Variants in KLHL14 observed in about 807,000 individuals in gnomAD.
KLHL14 encodes the protein kelch-like protein 14.
A neutral mutation model predicts 64.3 loss-of-function variants in KLHL14; 22 were observed. That is an observed-to-expected ratio of 0.34 (90% CI 0.24 to 0.49). The LOEUF is 0.49. Ranked by LOEUF, KLHL14 falls within the 20% of genes least tolerant of loss-of-function variation. KLHL14 has a pLI of 0.99. For missense variants in KLHL14, 661 were observed against 789.0 expected (o/e 0.84, Z 1.94); for synonymous variants, 322 against 333.4 (o/e 0.97, Z 0.37).
chr18:32,694,379 G>A (rs955685140), intron 4 of KLHL14, among the ~76,000 whole-genome samples: 2 of 152,130 alleles, frequency 1.3e-5, no homozygotes, highest in Admixed American at 6.5e-5. Flanking sequence ...GTAACATACC[G>A]AATCCATCAT....
intron 3 of KLHL14, among the ~76,000 whole-genome samples, chr18:32,705,836 T>A (rs2049987393): frequency 6.6e-6 from 1 of 152,228 alleles, no homozygotes; most frequent in Non-Finnish European, 1.5e-5. Context: ...TGCTTTTATC[T>A]ACACTGTCCT....
chr18:32,765,817 TTAAA>T (rs540471026), intron 2 of KLHL14, among the ~76,000 whole-genome samples: 199 of 152,258 alleles, frequency 1.3e-3, no homozygotes, highest in African/African-American at 4.6e-3. Flanking sequence ...CCCTTGATGT[TTAAA>T]TAGATTTTTA....
At chr18:32,771,592 C>T (rs1288963061) in intron 1 of KLHL14, among the ~76,000 whole-genome samples, 1 of 152,060 alleles carries the variant, frequency 6.6e-6, no homozygotes, top group East Asian at 1.9e-4. Context: ...CCCCTTCCAG[C>T]GAGGGGCGGC....
At chr18:32,700,851 T>A (rs1026864289) in intron 3 of KLHL14, among the ~76,000 whole-genome samples, 4 of 152,126 alleles carry the variant, frequency 2.6e-5, no homozygotes, top group Admixed American at 2.0e-4. Flanking sequence ...GGGAAGGCCT[T>A]TCTGAGTAGA....
In KLHL14 at chr18:32,734,903, C is replaced by T. The variant is rs528911110; in HGVS notation, c.1069+7025G>A. 6.0e-3 allele frequency among the ~76,000 whole-genome samples: 874 copies of T among 146,278 alleles called. 6 individuals carry two copies. Among genetic ancestry groups the T allele is most frequent in the African/African-American group, 0.021 (828 of 40,168 alleles). The stretch of plus-strand genomic sequence containing the variant: ...GTTACTCTGTGTGTGTGTGTGTGTG[C>T]GTGCACGCGCACACATGCTCTTTGA... On this transcript the variant is annotated intron_variant, in intron 3 of 8. Transcript: ENST00000359358.
rs373093150 is a variant in KLHL14 at position 32,769,907 on chromosome 18, G to A, written c.685C>T (p.Pro229Ser). Residue 229 changes from proline (P) to serine (S), a missense_variant, in exon 2 of 9, where the codon CCG becomes TCG. By Grantham distance (74) the Pro-to-Ser change is moderately conservative. Around this residue, in one of 2 missense-constraint regions of KLHL14, gnomAD observed 331 missense variants for 339.0 expected, o/e 0.98. Coordinates refer to ENST00000359358, the MANE Select transcript of KLHL14 (RefSeq NM_020805.3). ...GCCAGCTCCGACTCCACGGGGGGCG[G>A]CAGCGAGTCCAGCAGGGCGCGCATC... Reference protein sequence around the residue: ...EEMRALLDSLPPPVESELALF... With the variant: ...EEMRALLDSLSPPVESELALF... 16 of 1,614,014 alleles carry A rather than the reference G, an allele frequency of 9.9e-6. No individual in the cohort carries two copies. The highest frequency in any genetic ancestry group is 1.4e-5 in the Non-Finnish European group (16 of 1,180,044).
At chr18:32,700,980 A>G (rs960041954) in intron 3 of KLHL14, among the ~76,000 whole-genome samples, 1 of 152,178 alleles carries the variant, frequency 6.6e-6, no homozygotes, top group Non-Finnish European at 1.5e-5. Flanking sequence ...GGACAGCAAG[A>G]AGACCAGAAC....
chr18:32,742,689 G>A lies in KLHL14; in HGVS notation c.948-640C>T, dbSNP rs553560152. ...TGCTCTCCCCCTGTGCACCACTGGCGATATAGCAGCACCAATTGGTAAAAA... is the reference window on the plus strand; with the variant it reads ...TGCTCTCCCCCTGTGCACCACTGGCAATATAGCAGCACCAATTGGTAAAAA... On this transcript the variant is annotated intron_variant, in intron 2 of 8. Transcript: ENST00000359358. Among the ~76,000 whole-genome samples, 7 of 152,134 alleles carry A rather than the reference G, an allele frequency of 4.6e-5. No individual in the cohort carries two copies. The South Asian group carries it at 1.5e-3, about 32-fold the overall frequency.
chr18:32,753,992 C>G (rs2050269417), intron 2 of KLHL14, among the ~76,000 whole-genome samples: 1 of 152,252 alleles, frequency 6.6e-6, no homozygotes, highest in South Asian at 2.1e-4. Context: ...ACTAATCCTC[C>G]TGCCTGCAAG....
At chr18:32,737,637 C>T (rs2050172705) in intron 3 of KLHL14, 1 of 152,140 alleles carries the variant, frequency 6.6e-6, no homozygotes, top group Non-Finnish European at 1.5e-5. Flanking sequence ...TGTGACTCCT[C>T]TTAAAGAAAT....
At chr18:32,686,689 A>G (rs2049880769) in intron 5 of KLHL14, among the ~76,000 whole-genome samples, 1 of 152,152 alleles carries the variant, frequency 6.6e-6, no homozygotes, top group Non-Finnish European at 1.5e-5. Flanking sequence ...AATATTTCAT[A>G]TCTAATTATC....
Position 32,673,057 on chromosome 18 carries a change from G to C in KLHL14, c.*1600C>G, listed in dbSNP as rs1352990592. 1.3e-5 allele frequency: 2 copies of C among 152,354 alleles called. No homozygotes were observed. Among genetic ancestry groups the C allele is most frequent in the East Asian group, 3.9e-4 (2 of 5,186 alleles). 9.4% of individuals were successfully genotyped at this position (152,354 alleles called of 1,614,324 possible). On this transcript the variant is annotated 3_prime_UTR_variant, in exon 9 of 9. Coordinates refer to ENST00000359358, the MANE Select transcript of KLHL14 (RefSeq NM_020805.3). ...TATACTCATATGTTTTAAGGAAAAA[G>C]AAATGACAGTTGATTGCACTGGATA... is the stretch of plus-strand genomic sequence containing the variant.
At position 32,683,953 on chromosome 18, in the gene KLHL14, G is replaced by C. The variant is rs1281747144; in HGVS notation, c.1238+3202C>G. Among the ~76,000 whole-genome samples, 2 of 152,072 alleles carry C rather than the reference G, an allele frequency of 1.3e-5. No homozygotes were observed. Among genetic ancestry groups the C allele is most frequent in the East Asian group, 3.8e-4 (2 of 5,196 alleles). ...AATATTTAAAATTTGATGCATTTTT[G>C]ACATATTAAGTTCTTGTCTTTTATT... On this transcript the variant is annotated intron_variant, in intron 5 of 8. Transcript: ENST00000359358. This position sits in a 1 kb window ranked among gnomAD's most constrained non-coding sequence, Gnocchi z 4.2.
At chr18:32,688,153 G>T (rs2049888791) in intron 4 of KLHL14, among the ~76,000 whole-genome samples, 2 of 152,192 alleles carry the variant, frequency 1.3e-5, no homozygotes, top group Non-Finnish European at 2.9e-5. Flanking sequence ...CACCTGAGAT[G>T]ATAATCATCT....
chr18:32,704,907 T>C (rs2049982970), intron 3 of KLHL14, among the ~76,000 whole-genome samples: 1 of 152,136 alleles, frequency 6.6e-6, no homozygotes, highest in Admixed American at 6.5e-5. Context: ...ATAAATAGGA[T>C]ACAGAGTACT....
intron 2 of KLHL14, among the ~76,000 whole-genome samples, chr18:32,755,211 C>T (rs2050275764): frequency 6.6e-6 from 1 of 152,112 alleles, no homozygotes; most frequent in Admixed American, 6.6e-5. Flanking sequence ...CTAGGAAGCC[C>T]TCCAAGGTCA....
rs773956260 is a variant in KLHL14 at position 32,680,484 on chromosome 18, G to A, written c.1354C>T (p.Arg452Cys). The A allele has an allele frequency of 9.3e-6, 15 of 1,613,832 alleles. No homozygotes were observed. The highest frequency in any genetic ancestry group is 1.7e-5 in the Admixed American group (1 of 59,964). The change falls in exon 6 of 9, where the codon CGC becomes TGC. Residue 452 changes from arginine to cysteine, a missense_variant. Arg to Cys is a radical substitution (Grantham distance 180). Transcript: ENST00000359358. This position sits in a 1 kb window ranked among gnomAD's most constrained non-coding sequence, Gnocchi z 4.8. ...GGCTGTGGCAAAGAGGACACATAGC[G>A]CCATTCATTCGTTTCTAGGTTATAG... ...ECYNLETNEW[R>C]YVSSLPQPLA...
At chr18:32,756,767 A>C (rs2050284262) in intron 2 of KLHL14, among the ~76,000 whole-genome samples, 1 of 152,200 alleles carries the variant, frequency 6.6e-6, no homozygotes, top group Non-Finnish European at 1.5e-5. Flanking sequence ...TGCCAATTGA[A>C]GTTTGTCAGG....
chr18:32,736,542 A>C (rs2050167171), intron 3 of KLHL14, among the ~76,000 whole-genome samples: 1 of 152,102 alleles, frequency 6.6e-6, no homozygotes, highest in South Asian at 2.1e-4. Flanking sequence ...GAAAACAAAA[A>C]ATAGAGGGGT....
Sources: allele counts gnomAD v4.1 joint callset (sites outside exome capture counted in the v4.1 genomes callset), GRCh38; gene constraint gnomAD v4.1.1; regional missense constraint gnomAD v4.1.1; non-coding constraint Gnocchi (gnomAD v3.1); transcripts MANE v1.5; gene names NCBI Gene and HGNC (gene_info 2026-07-23, HGNC 2026-07-21).